The following DNAAF9 variants were observed in gnomAD, a reference collection of about 807,000 sequenced individuals.
DNAAF9 encodes the protein shulin.
A neutral mutation model predicts 167.0 loss-of-function variants in DNAAF9; 90 were observed. The ratio of observed to expected loss-of-function variants is 0.54; its 90% CI spans 0.45 to 0.64. DNAAF9 has a LOEUF of 0.64. DNAAF9 is among the 30% of genes least tolerant of loss of function. The pLI, the probability that DNAAF9 is intolerant of heterozygous loss-of-function variation, is 0.00. For synonymous variants in DNAAF9, 491 were observed against 508.8 expected (o/e 0.96, Z 0.47); for missense variants, 1,315 against 1,442.2 (o/e 0.91, Z 1.43).
rs192635061 is a variant in DNAAF9 at position 3,252,324 on chromosome 20, C to T, written c.*248G>A. ...GAGCTCCTGGACTGCCAGTTGCACA[C>T]GTAGACGGGCAGGCCCCATCTGCTC... On this transcript the variant is annotated 3_prime_UTR_variant, in exon 37 of 37. Coordinates refer to ENST00000252032, the MANE Select transcript of DNAAF9 (RefSeq NM_001009984.3). 277 of 374,310 alleles carry T rather than the reference C, an allele frequency of 7.4e-4. 3 individuals are homozygous for T. Among genetic ancestry groups the T allele is most frequent in the African/African-American group, 1.4e-4 (7 of 48,398 alleles). The allele number at this position is 374,310 out of a possible 1,614,324, so 23.2% of individuals were successfully genotyped here. A position where few individuals can be genotyped will look rare whatever the true frequency, so the allele number is the denominator to read the frequency against.
Position 3,256,184 on chromosome 20 carries a change from T to C in DNAAF9, c.3083A>G (p.Tyr1028Cys), listed in dbSNP as rs2068277175. The C allele has an allele frequency of 1.2e-6, 2 of 1,614,164 alleles. No homozygotes were observed. The highest frequency in any genetic ancestry group is 2.7e-5 in the African/African-American group (2 of 75,058). ...GCTCAAGGAGTTGGCCAGTGTGTTG[T>C]AGCAGACCTCCATGGTCCTCTCAGA... ...SDSERTMEVC[Y>C]NTLANSLSIM... The change falls in exon 34 of 37, where the codon TAC (tyrosine) becomes TGC (cysteine). Residue 1028 changes from tyrosine to cysteine, a missense_variant. By Grantham distance (194) the Tyr-to-Cys change is radical. Coordinates refer to ENST00000252032, the MANE Select transcript of DNAAF9 (RefSeq NM_001009984.3).
At chr20:3,400,454 G>T (rs1331795581) in intron 1 of DNAAF9, among the ~76,000 whole-genome samples, 1 of 143,934 alleles carries the variant, frequency 6.9e-6, no homozygotes, top group Non-Finnish European at 1.5e-5. Context: ...GAAGCTGCGT[G>T]AAGAGTATAT....
chr20:3,292,199 C>G (rs1600718765), intron 25 of DNAAF9, among the ~76,000 whole-genome samples: 1 of 152,040 alleles, frequency 6.6e-6, no homozygotes, highest in Admixed American at 6.6e-5. Flanking sequence ...GCGGTTTCAC[C>G]TTGTTGGTCA....
intron 6 of DNAAF9, among the ~76,000 whole-genome samples, chr20:3,361,482 A>T (rs1382569314): frequency 1.3e-5 from 2 of 152,114 alleles, no homozygotes; most frequent in African/African-American, 4.8e-5. Flanking sequence ...TGTTGCAGGG[A>T]AAGTGGGAGG....
In DNAAF9 at chr20:3,264,548, C is replaced by G. The variant is rs528205291; in HGVS notation, c.2787-24G>C. 13 of 1,154,030 alleles carry G rather than the reference C, an allele frequency of 1.1e-5. No homozygotes were observed. In the East Asian group the frequency reaches 2.3e-4, roughly 21 times the overall value. The allele number at this position is 1,154,030 out of a possible 1,614,324, so 71.5% of individuals were successfully genotyped here. On this transcript the variant is annotated intron_variant, in intron 30 of 36. Transcript: ENST00000252032. ...TCCTTTGAAAACACACAGAAAAGACCTAGATTAATTAGGACTGTCAATCTC... is the reference window on the plus strand; with the variant it reads ...TCCTTTGAAAACACACAGAAAAGACGTAGATTAATTAGGACTGTCAATCTC...
chr20:3,347,624 A>G (rs6051771), intron 8 of DNAAF9, among the ~76,000 whole-genome samples: 38,115 of 152,092 alleles, frequency 0.25, 5,389 homozygotes, highest in African/African-American at 0.37. Context: ...TGTATTGTGG[A>G]GTTTATAAAA....
At chr20:3,294,454 A>C in intron 24 of DNAAF9, 74 bp downstream of exon 24, 1 of 1,032,184 alleles carries the variant, frequency 9.7e-7, no homozygotes, top group Admixed American at 2.0e-5. Flanking sequence ...AGGAGCTTAA[A>C]AGGACCAACA....
chr20:3,281,015 T>C (rs942980384), intron 28 of DNAAF9, among the ~76,000 whole-genome samples: 2 of 152,132 alleles, frequency 1.3e-5, no homozygotes, highest in African/African-American at 4.8e-5. Context: ...TCAGTCCTTT[T>C]ACGCCTTATT....
intron 28 of DNAAF9, among the ~76,000 whole-genome samples, chr20:3,281,249 G>C (rs1443049940): frequency 6.6e-6 from 1 of 151,980 alleles, no homozygotes; most frequent in African/African-American, 2.4e-5. Context: ...GGCTGGTCTC[G>C]AACTCCTGTC....
Position 3,256,193 on chromosome 20 carries a change from T to G in DNAAF9, c.3074A>C (p.Glu1025Ala), listed in dbSNP as rs772519155. ...GTTGGCCAGTGTGTTGTAGCAGACC[T>G]CCATGGTCCTCTCAGAGTCTGTAAG... Reference protein sequence around the residue: ...VKFSDSERTMEVCYNTLANSL... With the variant: ...VKFSDSERTMAVCYNTLANSL... The change falls in exon 34 of 37, where the codon GAG becomes GCG. Residue 1025 changes from glutamate (E) to alanine (A), a missense_variant. Physicochemically the swap from Glu to Ala is moderately radical, Grantham distance 107. This residue lies in a region of DNAAF9 where 334 missense variants were observed against 429.7 expected (regional missense o/e 0.78). Coordinates refer to ENST00000252032, the MANE Select transcript of DNAAF9 (RefSeq NM_001009984.3). 6.2e-7 allele frequency: 1 copy of G among 1,613,910 alleles called. No individual in the cohort carries two copies. The highest frequency in any genetic ancestry group is 8.5e-7 in the Non-Finnish European group (1 of 1,179,744).
chr20:3,399,568 T>C (rs2083956210), intron 1 of DNAAF9, among the ~76,000 whole-genome samples: 1 of 152,126 alleles, frequency 6.6e-6, no homozygotes, highest in Non-Finnish European at 1.5e-5. Context: ...GTCCAGGTCC[T>C]TTGCCTCCAG....
chr20:3,294,266 C>CA lies in DNAAF9; in HGVS notation c.2121-11dup. On this transcript the variant is annotated splice_polypyrimidine_tract_variant and intron_variant, in intron 24 of 36. Transcript: ENST00000252032. ...GAAATGCTGGAGAAACCTAAAAACA[C>CA]AAAGACAATGCTATTATGTTACCAT... The CA allele has an allele frequency of 6.4e-7, 1 of 1,558,594 alleles. No individual in the cohort carries two copies. The highest frequency in any genetic ancestry group is 1.7e-5 in the Admixed American group (1 of 59,916).
At chr20:3,349,165 G>C (rs1381814225) in intron 7 of DNAAF9, among the ~76,000 whole-genome samples, 1 of 136,522 alleles carries the variant, frequency 7.3e-6, no homozygotes, top group Non-Finnish European at 1.5e-5. Context: ...GACCAGCTTG[G>C]GCAACATGAT....
chr20:3,401,480 A>T (rs2083983156), intron 1 of DNAAF9, among the ~76,000 whole-genome samples: 1 of 152,208 alleles, frequency 6.6e-6, no homozygotes, highest in Non-Finnish European at 1.5e-5. Flanking sequence ...GATTACAGGC[A>T]TAAGCCACAG....
At chr20:3,296,978 C>T (rs1325628813) in intron 22 of DNAAF9, 29 bp from the exon 23 acceptor site, 2 of 1,323,822 alleles carry the variant, frequency 1.5e-6, no homozygotes, top group Admixed American at 1.7e-5. Flanking sequence ...GAGCAAAGAA[C>T]ACTTTAAACC....
intron 1 of DNAAF9, among the ~76,000 whole-genome samples, chr20:3,406,100 C>A (rs1447048717): frequency 6.6e-6 from 1 of 152,140 alleles, no homozygotes; most frequent in African/African-American, 2.4e-5. Context: ...GTATCTACCC[C>A]CCACCTTCTC....
chr20:3,293,608 C>T (rs2069007017), intron 25 of DNAAF9, among the ~76,000 whole-genome samples: 4 of 148,486 alleles, frequency 2.7e-5, no homozygotes, highest in Non-Finnish European at 5.9e-5. Context: ...TCACTTGAGC[C>T]CAGGGGGCGG....
chr20:3,403,907 G>T (rs999246425), intron 1 of DNAAF9, among the ~76,000 whole-genome samples: 1 of 152,158 alleles, frequency 6.6e-6, no homozygotes, highest in African/African-American at 2.4e-5. Flanking sequence ...TCCCACCTCA[G>T]CCTTCCGAGT....
intron 6 of DNAAF9, among the ~76,000 whole-genome samples, chr20:3,369,121 C>A (rs2083475079): frequency 7.3e-6 from 1 of 137,366 alleles, no homozygotes; most frequent in African/African-American, 2.7e-5. Context: ...GAGAGTAAAA[C>A]TCTGTCTCAA....
Sources: allele counts gnomAD v4.1 joint callset (sites outside exome capture counted in the v4.1 genomes callset), GRCh38; gene constraint gnomAD v4.1.1; regional missense constraint gnomAD v4.1.1; transcripts MANE v1.5; gene names NCBI Gene and HGNC (gene_info 2026-07-23, HGNC 2026-07-21).